Variants in TUT7 observed in about 807,000 individuals in gnomAD.
TUT7 encodes terminal uridylyl transferase 7.
TUT7 carries 33 observed loss-of-function variants against 165.9 expected under a neutral mutation model. The observed-to-expected ratio is 0.20, with a 90% CI of 0.15 to 0.27. TUT7 has a LOEUF of 0.27. Ranked by LOEUF, TUT7 falls within the 10% of genes least tolerant of loss-of-function variation. The pLI, the probability that TUT7 is intolerant of heterozygous loss-of-function variation, is 1.00. For missense variants in TUT7, 1,338 were observed against 1,762.3 expected (o/e 0.76, Z 4.31); for synonymous variants, 552 against 608.1 (o/e 0.91, Z 1.36).
intron 17 of TUT7, among the ~76,000 whole-genome samples, chr9:86,312,447 G>C (rs1373167290): frequency 6.6e-6 from 1 of 152,000 alleles, no homozygotes; most frequent in Admixed American, 6.5e-5. Context: ...TGGGAAGTGA[G>C]GAGCGTCTCC....
intron 25 of TUT7, among the ~76,000 whole-genome samples, chr9:86,302,368 T>C (rs561865850): frequency 5.3e-5 from 8 of 152,310 alleles, no homozygotes; most frequent in African/African-American, 1.9e-4. Context: ...GAACTGTTTG[T>C]GAATATATAT....
intron 14 of TUT7, among the ~76,000 whole-genome samples, chr9:86,321,312 G>A (rs700766): frequency 0.24 from 36,831 of 151,636 alleles, 6,021 homozygotes; most frequent in Non-Finnish European, 0.35. Context: ...AGCTGAGATC[G>A]CACCACTGCA....
chr9:86,291,564 C>A, intron 26 of TUT7, among the ~76,000 whole-genome samples: 2 of 137,936 alleles, frequency 1.4e-5, no homozygotes, highest in South Asian at 2.3e-4. Context: ...AAGAGCGAAA[C>A]TCCATCTCAA....
intron 10 of TUT7, among the ~76,000 whole-genome samples, chr9:86,334,315 C>G (rs1319793611): frequency 6.6e-6 from 1 of 152,160 alleles, no homozygotes; most frequent in Non-Finnish European, 1.5e-5. Flanking sequence ...CAGGTCTTTA[C>G]CCTCAGAGCT....
At chr9:86,340,330 A>G (rs541546593) in intron 7 of TUT7, among the ~76,000 whole-genome samples, 1 of 152,374 alleles carries the variant, frequency 6.6e-6, no homozygotes, top group Non-Finnish European at 1.5e-5. Context: ...ATGTTTCATT[A>G]TAAGTGACTA....
Position 86,308,535 on chromosome 9 carries a change from G to A in TUT7, c.3732C>T (p.Phe1244=). Reference sequence around the variant, plus strand: ...CTTTAAAATCAAATTCCTCTGTGTAGAAACGAAGAAGGCCCAACCATAACT... The same window carrying A: ...CTTTAAAATCAAATTCCTCTGTGTAAAAACGAAGAAGGCCCAACCATAACT... ...VGQLWLGLLR[F]YTEEFDFKEH... The change falls in exon 22 of 27, where the codon TTC becomes TTT. Residue 1244 remains phenylalanine (F), a synonymous_variant. Transcript: ENST00000375963. 6.2e-7 allele frequency: 1 copy of A among 1,614,042 alleles called. No individual in the cohort carries two copies. The highest frequency in any genetic ancestry group is 8.5e-7 in the Non-Finnish European group (1 of 1,179,962).
At chr9:86,350,861 G>A (rs557598811) in intron 2 of TUT7, among the ~76,000 whole-genome samples, 5 of 152,220 alleles carry the variant, frequency 3.3e-5, no homozygotes, top group South Asian at 2.1e-4. Flanking sequence ...GGCCAGGCGC[G>A]GTAGTTCACG....
intron 2 of TUT7, among the ~76,000 whole-genome samples, chr9:86,348,214 C>T (rs1831941976): frequency 6.6e-6 from 1 of 152,180 alleles, no homozygotes. Flanking sequence ...CAATCAACTC[C>T]TACTGCTTTT....
intron 14 of TUT7, among the ~76,000 whole-genome samples, chr9:86,321,910 T>C (rs959490139): frequency 6.6e-6 from 1 of 152,238 alleles, no homozygotes; most frequent in Admixed American, 6.5e-5. Flanking sequence ...ACTGTGTCTC[T>C]ACAAATAATG....
chr9:86,311,650 C>T lies in TUT7; in HGVS notation c.3275-841G>A, dbSNP rs955774301. Among the ~76,000 whole-genome samples the T allele has an allele frequency of 2.0e-5, 3 of 152,242 alleles. No individual in the cohort carries two copies. Among genetic ancestry groups the T allele is most frequent in the Non-Finnish European group, 2.9e-5 (2 of 68,008 alleles). On this transcript the variant is annotated intron_variant, in intron 17 of 26. Coordinates refer to ENST00000375963, the MANE Select transcript of TUT7 (RefSeq NM_024617.4). The surrounding 1 kb of genome is among the most constrained non-coding windows in gnomAD (Gnocchi z 4.4). ...TCTTTCCACGGTCTCCCTCTGATGC[C>T]GGTCTCCCTCTGATGCCGAGCCGAA...
intron 9 of TUT7, among the ~76,000 whole-genome samples, 157 bp from the exon 10 acceptor site, chr9:86,337,695 T>A (rs887242733): frequency 1.3e-5 from 2 of 152,258 alleles, no homozygotes; most frequent in African/African-American, 2.4e-5. Flanking sequence ...AACTTCCTTA[T>A]ACTTTTGCAG....
At chr9:86,310,647 C>T (rs1425642936) in intron 18 of TUT7, 59 bp downstream of exon 18, 1 of 891,144 alleles carries the variant, frequency 1.1e-6, no homozygotes, top group East Asian at 2.4e-5. Flanking sequence ...GAGGTTTTTG[C>T]AAGGTGAGAC....
At chr9:86,346,597 G>A in intron 2 of TUT7, 117 bp from the exon 3 acceptor site, 2 of 1,064,144 alleles carry the variant, frequency 1.9e-6, no homozygotes, top group Non-Finnish European at 2.7e-6. Flanking sequence ...TGCATGCAGA[G>A]CAGAAGGAAA....
At chr9:86,309,381 G>T (rs981749877) in intron 20 of TUT7, 82 bp downstream of exon 20, 1 of 1,453,036 alleles carries the variant, frequency 6.9e-7, no homozygotes, top group Non-Finnish European at 9.5e-7. Context: ...ATTAACTACA[G>T]AACCACAGAA....
At position 86,323,062 on chromosome 9, in the gene TUT7, A is replaced by G. The variant is rs1244005970; in HGVS notation, c.2688T>C (p.Asp896=). 1.2e-6 allele frequency: 2 copies of G among 1,614,136 alleles called. No homozygotes were observed. Among genetic ancestry groups the G allele is most frequent in the South Asian group, 1.1e-5 (1 of 91,088 alleles). The change falls in exon 13 of 27, where the codon GAT becomes GAC. Residue 896 remains aspartate, a synonymous_variant. Coordinates refer to ENST00000375963, the MANE Select transcript of TUT7 (RefSeq NM_024617.4). ...SGDEDALSEE[D]DELGEAAKYE... is the part of the protein sequence containing the mutation. ...ACTTAGCAGCTTCGCCTAACTCATC[A>G]TCCTCTTCAGATAGGGCGTCCTCAT...
Position 86,337,254 on chromosome 9 carries a change from C to A in TUT7, c.1455+165G>T, listed in dbSNP as rs1211055454. 6.5e-6 allele frequency: 5 copies of A among 767,112 alleles called. No individual in the cohort carries two copies. In the East Asian group the frequency reaches 1.5e-4, roughly 22 times the overall value. The allele number at this position is 767,112 out of a possible 1,614,324, so 47.5% of individuals were successfully genotyped here. ...TATAGGGCAACATACTGAAATCAAA[C>A]ACATTAGTATTTCAGCAGTGAAAGG... is the stretch of plus-strand genomic sequence containing the variant. On this transcript the variant is annotated intron_variant, in intron 10 of 26. Transcript: ENST00000375963.
intron 9 of TUT7, 53 bp downstream of exon 9, chr9:86,338,770 A>G: frequency 7.0e-7 from 1 of 1,431,262 alleles, no homozygotes. Flanking sequence ...AAATCAAAGC[A>G]TACTGCTTAT....
chr9:86,314,262 C>T (rs1828503070), intron 17 of TUT7, among the ~76,000 whole-genome samples: 1 of 152,196 alleles, frequency 6.6e-6, no homozygotes, highest in Non-Finnish European at 1.5e-5. Context: ...CACTGTTGAT[C>T]ATTACCACAC....
intron 26 of TUT7, among the ~76,000 whole-genome samples, chr9:86,294,419 T>C (rs1261902637): frequency 6.6e-6 from 1 of 152,164 alleles, no homozygotes; most frequent in Admixed American, 6.5e-5. Flanking sequence ...TTACAAATAA[T>C]TTTTGATGAT....
Sources: allele counts gnomAD v4.1 joint callset (sites outside exome capture counted in the v4.1 genomes callset), GRCh38; gene constraint gnomAD v4.1.1; non-coding constraint Gnocchi (gnomAD v3.1); transcripts MANE v1.5; gene names NCBI Gene and HGNC (gene_info 2026-07-23, HGNC 2026-07-21).